The following PRKD1 variants were observed in gnomAD, a reference collection of about 807,000 sequenced individuals.
PRKD1 encodes the protein protein kinase D1.
Under a neutral mutation model 95.9 loss-of-function variants are expected in PRKD1, and 63 were observed. The ratio of observed to expected loss-of-function variants is 0.66; its 90% CI spans 0.54 to 0.81. The LOEUF is 0.81. PRKD1 is among the 30% of genes least tolerant of loss of function. The pLI is 0.00. For missense variants in PRKD1, 1,048 were observed against 1,165.3 expected, an observed-to-expected ratio of 0.90 and a Z score of 1.47; for synonymous variants, 425 against 423.1, an observed-to-expected ratio of 1.00 and a Z score of -0.05.
At chr14:29,924,760 CA>C (rs555771669) in intron 1 of PRKD1, among the ~76,000 whole-genome samples, 4 of 150,412 alleles carry the variant, frequency 2.7e-5, no homozygotes, top group African/African-American at 9.8e-5. Flanking sequence ...AAGGTACTTC[CA>C]AAAAAAAACT....
intron 1 of PRKD1, among the ~76,000 whole-genome samples, chr14:29,807,095 C>T (rs1366862166): frequency 6.6e-6 from 1 of 152,120 alleles, no homozygotes; most frequent in East Asian, 1.9e-4. Context: ...CTCCAGTGGT[C>T]TCTTGACAGG....
chr14:29,580,584 G>C (rs1243091965), intron 16 of PRKD1, among the ~76,000 whole-genome samples: 1 of 152,032 alleles, frequency 6.6e-6, no homozygotes, highest in Non-Finnish European at 1.5e-5. Flanking sequence ...GAGAAAATAG[G>C]TCCGTCATTT....
At chr14:29,829,591 T>C (rs1019219314) in intron 1 of PRKD1, among the ~76,000 whole-genome samples, 2 of 152,198 alleles carry the variant, frequency 1.3e-5, no homozygotes, top group Admixed American at 1.3e-4. Context: ...TTCTAGCTAC[T>C]CTTGATGTAA....
chr14:29,688,785 T>A (rs1486204641), intron 2 of PRKD1, among the ~76,000 whole-genome samples: 1 of 150,540 alleles, frequency 6.6e-6, no homozygotes, highest in East Asian at 2.0e-4. Context: ...ACAAAAAAAT[T>A]AGCCGGGCGT....
At position 29,726,274 on chromosome 14, in the gene PRKD1, T is replaced by C. The variant is rs145589006; in HGVS notation, c.265-600A>G. On this transcript the variant is annotated intron_variant, in intron 1 of 17. Transcript: ENST00000331968. ...TGCATTCCATGTGGCTTTCATGCAA[T>C]CTGTCAATCCACAATCTCATGAGCA... Among the ~76,000 whole-genome samples the C allele has an allele frequency of 1.1e-4, 17 of 152,272 alleles. No homozygotes were observed. In the East Asian group the frequency reaches 3.3e-3, roughly 29 times the overall value.
chr14:29,684,952 A>T (rs1883770363), intron 2 of PRKD1, among the ~76,000 whole-genome samples: 1 of 152,174 alleles, frequency 6.6e-6, no homozygotes, highest in Non-Finnish European at 1.5e-5. Context: ...TTCCCCCTTT[A>T]TAGGGAGTAT....
At chr14:29,758,856 C>G (rs1250090136) in intron 1 of PRKD1, among the ~76,000 whole-genome samples, 1 of 152,210 alleles carries the variant, frequency 6.6e-6, no homozygotes, top group South Asian at 2.1e-4. Context: ...CTCAGTCTAT[C>G]ACACTTCAAG....
chr14:29,877,251 T>C (rs1403821437), intron 1 of PRKD1, among the ~76,000 whole-genome samples: 2 of 152,216 alleles, frequency 1.3e-5, no homozygotes, highest in Non-Finnish European at 2.9e-5. Flanking sequence ...ACACTGCTGG[T>C]AGGGATGTAA....
intron 13 of PRKD1, among the ~76,000 whole-genome samples, chr14:29,604,530 C>A (rs951228594): frequency 1.3e-5 from 2 of 152,130 alleles, no homozygotes; most frequent in African/African-American, 4.8e-5. Flanking sequence ...GAAGAATATT[C>A]CATCACACAA....
chr14:29,870,821 A>G (rs1172673275), intron 1 of PRKD1, among the ~76,000 whole-genome samples: 3 of 152,228 alleles, frequency 2.0e-5, no homozygotes, highest in Non-Finnish European at 4.4e-5. Flanking sequence ...ATATTGTTTA[A>G]TACTCCTCTA....
chr14:29,736,495 T>C (rs1886719335), intron 1 of PRKD1, among the ~76,000 whole-genome samples: 1 of 151,984 alleles, frequency 6.6e-6, no homozygotes, highest in Non-Finnish European at 1.5e-5. Flanking sequence ...AGCTTTGAAA[T>C]CTGAAAACCC....
At chr14:29,768,069 C>A (rs542308459) in intron 1 of PRKD1, among the ~76,000 whole-genome samples, 1 of 152,110 alleles carries the variant, frequency 6.6e-6, no homozygotes, top group East Asian at 1.9e-4. Context: ...AACTTCTGAA[C>A]GGAGCAAGAC....
chr14:29,850,461 CACACACACACACACACACATAT>C (rs972429043), intron 1 of PRKD1, among the ~76,000 whole-genome samples: 7 of 151,418 alleles, frequency 4.6e-5, no homozygotes, highest in African/African-American at 1.7e-4. Flanking sequence ...AAAACACACA[CACACACACACACACACACATAT>C]ACACACACAC....
intron 1 of PRKD1, among the ~76,000 whole-genome samples, chr14:29,886,916 C>T (rs751726109): frequency 1.6e-4 from 24 of 152,268 alleles, no homozygotes; most frequent in East Asian, 1.9e-4. Context: ...AATTGTTCTT[C>T]GTCCTTTGAT....
chr14:29,588,553 T>C (rs1458040129), intron 16 of PRKD1, among the ~76,000 whole-genome samples: 1 of 152,142 alleles, frequency 6.6e-6, no homozygotes, highest in Admixed American at 6.6e-5. Flanking sequence ...TTCTATATTG[T>C]ATAGTTGAGG....
chr14:29,656,354 TA>T, intron 4 of PRKD1: 2 of 1,100,462 alleles, frequency 1.8e-6, no homozygotes, highest in South Asian at 1.4e-5. Flanking sequence ...AATTTTGAGC[TA>T]AACTCTGACC....
At chr14:29,746,672 G>A (rs973277575) in intron 1 of PRKD1, among the ~76,000 whole-genome samples, 5 of 152,052 alleles carry the variant, frequency 3.3e-5, no homozygotes, top group African/African-American at 7.2e-5. Context: ...AACAGTCATC[G>A]AATGAATGCT....
At chr14:29,840,610 G>A (rs991555154) in intron 1 of PRKD1, among the ~76,000 whole-genome samples, 5 of 152,116 alleles carry the variant, frequency 3.3e-5, no homozygotes, top group African/African-American at 1.2e-4. Flanking sequence ...TACCTGAGAC[G>A]AGGGAATTTA....
At chr14:29,880,577 C>T (rs1893471650) in intron 1 of PRKD1, among the ~76,000 whole-genome samples, 1 of 152,126 alleles carries the variant, frequency 6.6e-6, no homozygotes, top group Non-Finnish European at 1.5e-5. Context: ...TGGGGGACCA[C>T]CGAGTAGAGC....
Sources: gnomAD v4.1 joint callset for allele counts (sites outside exome capture counted in the v4.1 genomes callset) on GRCh38, gnomAD v4.1.1 for gene constraint, MANE v1.5 for transcripts, NCBI Gene and HGNC (gene_info 2026-07-23, HGNC 2026-07-21) for gene names.